Variants in GRM1 observed in about 807,000 individuals in gnomAD.
GRM1 encodes the protein metabotropic glutamate receptor 1.
Under a neutral mutation model 90.9 loss-of-function variants are expected in GRM1, and 33 were observed. The observed-to-expected ratio is 0.36, with a 90% CI of 0.28 to 0.49. GRM1 has a LOEUF of 0.49. Among genes scored for constraint, GRM1 ranks in the 20% least tolerant of loss-of-function variants. The pLI, the probability that GRM1 is intolerant of heterozygous loss-of-function variation, is 0.99. For missense variants in GRM1, 1,190 were observed against 1,534.3 expected, an observed-to-expected ratio of 0.78 and a Z score of 3.75; for synonymous variants, 700 against 613.2, an observed-to-expected ratio of 1.14 and a Z score of -2.09.
rs180773860 is a variant in GRM1, at chr6:146,293,666, T to C, written c.951-10945T>C. On this transcript the variant is annotated intron_variant, in intron 2 of 7. Transcript: ENST00000282753. Reference sequence around the variant, plus strand: ...AATATTCATTTTTTAAATCTCTGGTTGAGTTTATATAAGATAACAATTATC... The same window carrying C: ...AATATTCATTTTTTAAATCTCTGGTCGAGTTTATATAAGATAACAATTATC... Among the ~76,000 whole-genome samples the C allele has an allele frequency of 3.9e-3, 593 of 152,074 alleles. 3 individuals carry two copies. The highest frequency in any genetic ancestry group is 6.8e-3 in the Middle Eastern group (2 of 292).
intron 2 of GRM1, among the ~76,000 whole-genome samples, chr6:146,223,492 G>C (rs764183943): frequency 6.6e-6 from 1 of 151,876 alleles, no homozygotes; most frequent in Non-Finnish European, 1.5e-5. Context: ...GCTCTAACTT[G>C]GTTTCACTGA....
At chr6:146,352,593 G>A in intron 4 of GRM1, 97 bp downstream of exon 4, 4 of 1,260,988 alleles carry the variant, frequency 3.2e-6, no homozygotes, top group Non-Finnish European at 4.6e-6. Context: ...GTTTCTGGGT[G>A]CCATGAGGAT....
intron 2 of GRM1, among the ~76,000 whole-genome samples, chr6:146,238,932 TTAA>T (rs1194090558): frequency 6.6e-6 from 1 of 152,122 alleles, no homozygotes; most frequent in African/African-American, 2.4e-5. Context: ...GCACATTGCA[TTAA>T]TAGTTCAGTT....
chr6:146,339,390 T>C (rs1241973927), intron 3 of GRM1, among the ~76,000 whole-genome samples: 1 of 152,174 alleles, frequency 6.6e-6, no homozygotes. Context: ...ACTTTTCCCT[T>C]TCATTTTTTC....
intron 4 of GRM1, among the ~76,000 whole-genome samples, chr6:146,353,318 A>G (rs1389671927): frequency 6.6e-6 from 1 of 152,214 alleles, no homozygotes; most frequent in African/African-American, 2.4e-5. Context: ...CAGCTTGGCT[A>G]CCACTCAGCA....
chr6:146,146,097 T>C (rs1230573423), intron 1 of GRM1, among the ~76,000 whole-genome samples: 3 of 134,854 alleles, frequency 2.2e-5, no homozygotes, highest in Admixed American at 7.8e-5. Context: ...TGTACTACCA[T>C]TGTATCTTTT....
intron 3 of GRM1, among the ~76,000 whole-genome samples, chr6:146,328,983 A>C (rs528444616): frequency 1.3e-5 from 2 of 152,300 alleles, no homozygotes; most frequent in East Asian, 3.9e-4. Flanking sequence ...TCCATCTGTA[A>C]GTAAATGCCA....
At chr6:146,339,369 T>G (rs1431294807) in intron 3 of GRM1, among the ~76,000 whole-genome samples, 1 of 152,200 alleles carries the variant, frequency 6.6e-6, no homozygotes, top group Non-Finnish European at 1.5e-5. Flanking sequence ...CAGACTAAAA[T>G]AATAATCTGA....
At chr6:146,078,279 A>G (rs1244801282) in intron 1 of GRM1, among the ~76,000 whole-genome samples, 6 of 152,198 alleles carry the variant, frequency 3.9e-5, no homozygotes, top group African/African-American at 7.2e-5. Flanking sequence ...TTTTGTTGCT[A>G]AATTCTTTGC....
intron 1 of GRM1, among the ~76,000 whole-genome samples, chr6:146,092,266 C>T (rs1309197581): frequency 6.6e-6 from 1 of 151,972 alleles, no homozygotes; most frequent in East Asian, 1.9e-4. Context: ...GTATATTTCT[C>T]TTATTGTCAG....
intron 5 of GRM1, among the ~76,000 whole-genome samples, chr6:146,372,304 G>A (rs191939287): frequency 2.0e-5 from 3 of 152,000 alleles, no homozygotes; most frequent in Non-Finnish European, 1.5e-5. Context: ...TAGTTTGATT[G>A]GATTATCAGA....
intron 1 of GRM1, among the ~76,000 whole-genome samples, chr6:146,145,653 A>G (rs2128885710): frequency 6.6e-6 from 1 of 152,336 alleles, no homozygotes; most frequent in South Asian, 2.1e-4. Context: ...GATGTCATGG[A>G]AAGGCAGGAG....
intron 3 of GRM1, among the ~76,000 whole-genome samples, chr6:146,308,468 T>C (rs1482830625): frequency 6.6e-6 from 1 of 152,238 alleles, no homozygotes; most frequent in Non-Finnish European, 1.5e-5. Flanking sequence ...ACATAGATCA[T>C]TTCATAAAAA....
intron 4 of GRM1, among the ~76,000 whole-genome samples, chr6:146,353,368 G>C (rs186568349): frequency 6.6e-6 from 1 of 152,284 alleles, no homozygotes; most frequent in East Asian, 1.9e-4. Flanking sequence ...GTCAGTCTAC[G>C]ATGTCCCAGA....
At chr6:146,160,590 C>G (rs1413699843) in intron 2 of GRM1, among the ~76,000 whole-genome samples, 1 of 152,114 alleles carries the variant, frequency 6.6e-6, no homozygotes, top group Non-Finnish European at 1.5e-5. Context: ...CATATCACAC[C>G]CATTAAAGAG....
intron 7 of GRM1, among the ~76,000 whole-genome samples, chr6:146,400,340 T>G (rs560055567): frequency 2.2e-4 from 33 of 152,246 alleles, no homozygotes; most frequent in Non-Finnish European, 4.1e-4. Context: ...ATACATGAAT[T>G]GGGTCATCTC....
intron 5 of GRM1, among the ~76,000 whole-genome samples, chr6:146,364,774 C>T (rs62434336): frequency 2.2e-5 from 3 of 134,652 alleles, no homozygotes; most frequent in Non-Finnish European, 4.5e-5. Context: ...CCCTCTTCTT[C>T]TATTTTTTTT....
intron 3 of GRM1, among the ~76,000 whole-genome samples, chr6:146,327,985 C>G (rs1188863370): frequency 1.3e-5 from 2 of 152,100 alleles, no homozygotes; most frequent in African/African-American, 4.8e-5. Flanking sequence ...GGATGTGAGG[C>G]GCCCCACAGA....
intron 1 of GRM1, among the ~76,000 whole-genome samples, chr6:146,113,088 C>A (rs1432588700): frequency 6.6e-6 from 1 of 152,138 alleles, no homozygotes; most frequent in Non-Finnish European, 1.5e-5. Context: ...AGCAAAGAGA[C>A]TAAATTAAAA....
Sources: allele counts gnomAD v4.1 joint callset (sites outside exome capture counted in the v4.1 genomes callset), GRCh38; gene constraint gnomAD v4.1.1; transcripts MANE v1.5; gene names NCBI Gene and HGNC (gene_info 2026-07-23, HGNC 2026-07-21).